The following TNIK variants were observed in gnomAD, a reference collection of about 807,000 sequenced individuals.
TNIK encodes the protein TRAF2 and NCK-interacting protein kinase.
A neutral mutation model predicts 191.3 loss-of-function variants in TNIK; 49 were observed. The ratio of observed to expected loss-of-function variants is 0.26; its 90% confidence interval spans 0.20 to 0.32. The LOEUF is 0.32. Among genes scored for constraint, TNIK ranks in the 10% least tolerant of loss-of-function variants. TNIK has a pLI of 1.00. For synonymous variants in TNIK, 594 were observed against 600.9 expected, an observed-to-expected ratio of 0.99 and a Z score of 0.17; for missense variants, 1,155 against 1,702.3, an observed-to-expected ratio of 0.68 and a Z score of 5.66.
chr3:171,452,256 C>T (rs1274593033), intron 1 of TNIK, among the ~76,000 whole-genome samples: 1 of 152,126 alleles, frequency 6.6e-6, no homozygotes, highest in Non-Finnish European at 1.5e-5. Flanking sequence ...AGGGATGTTA[C>T]GTTCAGTGGC....
chr3:171,112,591 A>T (rs1233353113), intron 18 of TNIK, among the ~76,000 whole-genome samples: 2 of 151,858 alleles, frequency 1.3e-5, no homozygotes, highest in Non-Finnish European at 2.9e-5. Context: ...TTATGCGTGG[A>T]ATCTACAAAC....
rs114058545 is a variant in TNIK at position 171,447,324 on chromosome 3, G to A, written c.57+12683C>T. Reference sequence around the variant, plus strand: ...TTAGGCAAGAAAAAAAAAAAAACACGTTATAATCTGACATTGGTCATCTTA... The same window carrying A: ...TTAGGCAAGAAAAAAAAAAAAACACATTATAATCTGACATTGGTCATCTTA... On this transcript the variant is annotated intron_variant, in intron 1 of 32. Transcript: ENST00000436636. 8.3e-4 allele frequency among the ~76,000 whole-genome samples: 118 copies of A among 142,650 alleles called. 1 individual carries two copies. Among genetic ancestry groups the A allele is most frequent in the African/African-American group, 2.9e-3 (109 of 37,326 alleles). 93.6% of individuals were successfully genotyped at this position (142,650 alleles called of 152,430 possible). A position where few individuals can be genotyped will look rare whatever the true frequency, so the allele number is the denominator to read the frequency against.
intron 10 of TNIK, among the ~76,000 whole-genome samples, chr3:171,166,615 C>G (rs946338294): frequency 6.6e-6 from 1 of 152,172 alleles, no homozygotes; most frequent in African/African-American, 2.4e-5. Context: ...ATGATCTTTT[C>G]TATCACTGCA....
At chr3:171,454,139 C>G (rs1728519723) in intron 1 of TNIK, among the ~76,000 whole-genome samples, 2 of 152,220 alleles carry the variant, frequency 1.3e-5, no homozygotes, top group Admixed American at 6.5e-5. Flanking sequence ...GACATTAAAG[C>G]ATCTTTCAGA....
chr3:171,096,297 C>G lies in TNIK; in HGVS notation c.2592-2329G>C, dbSNP rs112787134. Among the ~76,000 whole-genome samples, 735 of 151,964 alleles carry G rather than the reference C, an allele frequency of 4.8e-3. 4 individuals are homozygous for G. The highest frequency in any genetic ancestry group is 5.7e-3 in the Non-Finnish European group (384 of 67,946). On this transcript the variant is annotated intron_variant, in intron 22 of 32. Transcript: ENST00000436636. ...GGCCACCCCGTCTTCAGTCCTTTCCCCCTCATATCCACTCCTCACAGCTGT... is the reference window on the plus strand; with the variant it reads ...GGCCACCCCGTCTTCAGTCCTTTCCGCCTCATATCCACTCCTCACAGCTGT...
chr3:171,229,318 G>A (rs1743331976), intron 2 of TNIK, among the ~76,000 whole-genome samples: 2 of 152,208 alleles, frequency 1.3e-5, no homozygotes, highest in South Asian at 4.1e-4. Flanking sequence ...TAAAGGCAAG[G>A]ACCATGTCTC....
chr3:171,431,653 C>CT (rs1203679452), intron 1 of TNIK, among the ~76,000 whole-genome samples: 3 of 152,066 alleles, frequency 2.0e-5, no homozygotes, highest in South Asian at 2.1e-4. Context: ...GCTTTTGCGT[C>CT]TTTTTTTTCA....
chr3:171,118,316 A>T (rs1354515198), intron 18 of TNIK, among the ~76,000 whole-genome samples: 1 of 152,264 alleles, frequency 6.6e-6, no homozygotes, highest in East Asian at 1.9e-4. Context: ...AGAGCATTTC[A>T]TGCTCATGGA....
chr3:171,344,348 G>A (rs1037785172), intron 2 of TNIK, among the ~76,000 whole-genome samples: 1 of 152,110 alleles, frequency 6.6e-6, no homozygotes, highest in Non-Finnish European at 1.5e-5. Flanking sequence ...TTTTTTATAG[G>A]CTATTGAACA....
chr3:171,189,275 AT>A (rs778436720), intron 6 of TNIK, among the ~76,000 whole-genome samples: 2 of 152,184 alleles, frequency 1.3e-5, no homozygotes, highest in Non-Finnish European at 2.9e-5. Context: ...TCAAGGTTGA[AT>A]AATATTCCAT....
chr3:171,288,973 A>G (rs1201599299), intron 2 of TNIK, among the ~76,000 whole-genome samples: 1 of 152,216 alleles, frequency 6.6e-6, no homozygotes, highest in Non-Finnish European at 1.5e-5. Flanking sequence ...ATAGGGATTG[A>G]TCACAATTGA....
chr3:171,195,187 C>T (rs1186797763), intron 4 of TNIK, among the ~76,000 whole-genome samples: 1 of 152,146 alleles, frequency 6.6e-6, no homozygotes, highest in Admixed American at 6.5e-5. Flanking sequence ...TAATTTAGCA[C>T]CTTTCATGCA....
At chr3:171,403,043 T>C (rs1461691510) in intron 1 of TNIK, among the ~76,000 whole-genome samples, 1 of 151,194 alleles carries the variant, frequency 6.6e-6, no homozygotes, top group African/African-American at 2.4e-5. Context: ...AATAAGGGAG[T>C]AAACAAAGAA....
At chr3:171,442,789 A>G (rs1008330787) in intron 1 of TNIK, among the ~76,000 whole-genome samples, 8 of 152,154 alleles carry the variant, frequency 5.3e-5, no homozygotes, top group African/African-American at 1.9e-4. Context: ...AGGAAAAACT[A>G]AGATTGGTTT....
chr3:171,234,136 T>C (rs947126309), intron 2 of TNIK, among the ~76,000 whole-genome samples: 2 of 152,200 alleles, frequency 1.3e-5, no homozygotes, highest in Non-Finnish European at 2.9e-5. Flanking sequence ...TTAATATCTA[T>C]CTGGACATCT....
chr3:171,443,221 G>T (rs180898411), intron 1 of TNIK, among the ~76,000 whole-genome samples: 1 of 152,304 alleles, frequency 6.6e-6, no homozygotes, highest in Admixed American at 6.5e-5. Context: ...TAAGACACCA[G>T]CAACAGAACC....
intron 29 of TNIK, among the ~76,000 whole-genome samples, chr3:171,071,021 C>T (rs909336576): frequency 6.6e-6 from 1 of 152,136 alleles, no homozygotes; most frequent in African/African-American, 2.4e-5. Flanking sequence ...GGAGGGCATA[C>T]CCAAATTTTA....
chr3:171,354,750 A>G (rs1217260843), intron 2 of TNIK, among the ~76,000 whole-genome samples: 1 of 152,204 alleles, frequency 6.6e-6, no homozygotes. Flanking sequence ...GTCAATACCT[A>G]TCTTACTTTT....
In TNIK at chr3:171,357,470, G is replaced by A. The variant is rs143705759; in HGVS notation, c.123+12150C>T. 3.1e-3 allele frequency among the ~76,000 whole-genome samples: 469 copies of A among 151,600 alleles called. 4 individuals carry two copies. The highest frequency in any genetic ancestry group is 0.011 in the African/African-American group (441 of 41,346). On this transcript the variant is annotated intron_variant, in intron 2 of 32. Transcript: ENST00000436636. Reference sequence around the variant, plus strand: ...CACTCAGCTAGTTTTTGTATTTTTAGCAGAGACGGGGTTTTGCCATTTTGG... The same window carrying A: ...CACTCAGCTAGTTTTTGTATTTTTAACAGAGACGGGGTTTTGCCATTTTGG...
Sources: gnomAD v4.1 joint callset for allele counts (sites outside exome capture counted in the v4.1 genomes callset) on GRCh38, gnomAD v4.1.1 for gene constraint, MANE v1.5 for transcripts, NCBI Gene and HGNC (gene_info 2026-07-23, HGNC 2026-07-21) for gene names.